The following RAPGEF4 variants were observed in gnomAD, a reference collection of about 807,000 sequenced individuals.
The protein encoded by RAPGEF4 is Rap guanine nucleotide exchange factor 4, also known as RAP guanine-nucleotide-exchange factor (GEF) 4.
A neutral mutation model predicts 147.9 loss-of-function variants in RAPGEF4; 66 were observed. That is an observed-to-expected ratio of 0.45 (90% CI 0.37 to 0.55). The LOEUF (loss-of-function observed/expected upper bound fraction) is 0.55, where lower values mean the gene tolerates loss of function less well. RAPGEF4 is among the 20% of genes least tolerant of loss of function. The pLI is 0.00. For synonymous variants in RAPGEF4, 419 were observed against 442.7 expected, an observed-to-expected ratio of 0.95 and a Z score of 0.67; for missense variants, 1,071 against 1,257.3, an observed-to-expected ratio of 0.85 and a Z score of 2.24.
intron 4 of RAPGEF4, among the ~76,000 whole-genome samples, chr2:172,899,295 T>C (rs972950910): frequency 6.6e-6 from 1 of 152,190 alleles, no homozygotes; most frequent in Non-Finnish European, 1.5e-5. Flanking sequence ...GATGAGAAAA[T>C]TGGCATTTGA....
chr2:172,744,076 A>AT (rs1559017842), intron 1 of RAPGEF4: 1 of 176,742 alleles, frequency 5.7e-6, no homozygotes, highest in Non-Finnish European at 1.2e-5. Context: ...TTGCTTTACT[A>AT]TTTTATTTAT....
intron 17 of RAPGEF4, among the ~76,000 whole-genome samples, chr2:173,005,656 G>T (rs1694399816): frequency 6.6e-6 from 1 of 151,072 alleles, no homozygotes; most frequent in East Asian, 1.9e-4. Context: ...CCGAGTAGCT[G>T]GAACTACAGG....
chr2:172,822,633 G>A (rs554774150), intron 4 of RAPGEF4, among the ~76,000 whole-genome samples: 35 of 152,384 alleles, frequency 2.3e-4, no homozygotes, highest in African/African-American at 7.5e-4. Flanking sequence ...ATAACCAGTA[G>A]TTGCTTTCTC....
chr2:172,777,293 T>C (rs1022670988), intron 1 of RAPGEF4, among the ~76,000 whole-genome samples: 4 of 152,096 alleles, frequency 2.6e-5, no homozygotes, highest in African/African-American at 4.8e-5. Context: ...TATTTATTCT[T>C]TCAACAATGT....
chr2:172,805,191 C>G (rs2149578007), intron 3 of RAPGEF4, among the ~76,000 whole-genome samples: 1 of 152,264 alleles, frequency 6.6e-6, no homozygotes, highest in Admixed American at 6.5e-5. Flanking sequence ...TTCAAGGCTT[C>G]AAGAGACTGG....
intron 1 of RAPGEF4, among the ~76,000 whole-genome samples, chr2:172,738,563 A>G (rs1285263443): frequency 2.6e-5 from 4 of 152,232 alleles, no homozygotes. Flanking sequence ...GGTGTGGCAT[A>G]TGAATATGCT....
At chr2:172,747,154 G>T (rs1694851886) in intron 1 of RAPGEF4, among the ~76,000 whole-genome samples, 1 of 152,076 alleles carries the variant, frequency 6.6e-6, no homozygotes, top group Non-Finnish European at 1.5e-5. Context: ...TTGTGTTTGG[G>T]GCAGCGTTAG....
chr2:172,978,676 T>C (rs577584907), intron 10 of RAPGEF4, among the ~76,000 whole-genome samples: 2 of 152,352 alleles, frequency 1.3e-5, no homozygotes, highest in South Asian at 4.1e-4. Flanking sequence ...TTATCAGTGA[T>C]GCTGTCTTAC....
At position 172,990,663 on chromosome 2, in the gene RAPGEF4, T is replaced by C. The variant is rs1357227815; in HGVS notation, c.1375-147T>C. ...CCTCATCTGGTCCTCTCTCTGACCGTTCCAGCCCTTGACTTTGAAAATGAC... is the reference window on the plus strand; with the variant it reads ...CCTCATCTGGTCCTCTCTCTGACCGCTCCAGCCCTTGACTTTGAAAATGAC... On this transcript the variant is annotated intron_variant, in intron 14 of 30. Coordinates refer to ENST00000397081, the MANE Select transcript of RAPGEF4 (RefSeq NM_007023.4). 5 of 631,722 alleles carry C rather than the reference T, an allele frequency of 7.9e-6. No individual in the cohort carries two copies. In the African/African-American group the frequency reaches 9.2e-5, roughly 12 times the overall value. 39.1% of individuals were successfully genotyped at this position (631,722 alleles called of 1,614,324 possible).
rs1693902507 is a variant in RAPGEF4 at position 172,860,471 on chromosome 2, T to C, written c.444+46046T>C. Among the ~76,000 whole-genome samples the C allele has an allele frequency of 2.0e-5, 3 of 152,206 alleles. No individual in the cohort carries two copies. The South Asian group carries it at 6.2e-4, about 32-fold the overall frequency. On this transcript the variant is annotated intron_variant, in intron 4 of 30. Coordinates refer to ENST00000397081, the MANE Select transcript of RAPGEF4 (RefSeq NM_007023.4). ...TAATAAAGTTCTTAACAGAGAACAG[T>C]TTAACCCAGTGTTTATCCAGGAGAG... is the stretch of plus-strand genomic sequence containing the variant.
At chr2:172,872,428 A>G (rs898046824) in intron 4 of RAPGEF4, among the ~76,000 whole-genome samples, 1 of 152,114 alleles carries the variant, frequency 6.6e-6, no homozygotes, top group Admixed American at 6.6e-5. Flanking sequence ...GGGTAGTTGT[A>G]TGTTGTGTTT....
At chr2:172,970,000 T>C (rs1690282306) in intron 10 of RAPGEF4, among the ~76,000 whole-genome samples, 1 of 152,166 alleles carries the variant, frequency 6.6e-6, no homozygotes, top group African/African-American at 2.4e-5. Context: ...GCCTTGGGAT[T>C]TTCCCATCTT....
chr2:172,845,486 G>A (rs572730037), intron 4 of RAPGEF4, among the ~76,000 whole-genome samples: 1 of 152,218 alleles, frequency 6.6e-6, no homozygotes, highest in African/African-American at 2.4e-5. Flanking sequence ...CCAAGGGGAA[G>A]GTGATAGAAG....
In RAPGEF4 at chr2:173,017,171, T is replaced by A; in HGVS notation, c.1899-3T>A. On this transcript the variant is annotated splice_region_variant and splice_polypyrimidine_tract_variant and intron_variant, in intron 19 of 30. Coordinates refer to ENST00000397081, the MANE Select transcript of RAPGEF4 (RefSeq NM_007023.4). The stretch of plus-strand genomic sequence containing the variant: ...AATAATGTGCTTTCTCTACTTCTCG[T>A]AGCTCAGAAGATGCAAAGGCACCAC... 1 of 1,613,144 alleles carries A rather than the reference T, an allele frequency of 6.2e-7. No homozygotes were observed. Among genetic ancestry groups the A allele is most frequent in the South Asian group, 1.1e-5 (1 of 91,058 alleles).
At chr2:172,797,858 T>G (rs1486908660) in intron 3 of RAPGEF4, among the ~76,000 whole-genome samples, 1 of 152,216 alleles carries the variant, frequency 6.6e-6, no homozygotes, top group Non-Finnish European at 1.5e-5. Flanking sequence ...TGGGGCTGCT[T>G]TCTAGGAGCT....
At chr2:172,800,963 C>A (rs898327093) in intron 3 of RAPGEF4, among the ~76,000 whole-genome samples, 5 of 152,086 alleles carry the variant, frequency 3.3e-5, no homozygotes, top group Admixed American at 2.0e-4. Flanking sequence ...GGGTAAGGAG[C>A]AAGGAGAGAC....
chr2:172,930,377 C>T (rs1465624802), intron 6 of RAPGEF4, among the ~76,000 whole-genome samples: 2 of 152,084 alleles, frequency 1.3e-5, no homozygotes, highest in African/African-American at 4.8e-5. Flanking sequence ...TGAGTTTCCC[C>T]CTATTTTACT....
In RAPGEF4 at chr2:172,951,244, G is replaced by A. The variant is rs140369088; in HGVS notation, c.538-9516G>A. On this transcript the variant is annotated intron_variant, in intron 6 of 30. Transcript: ENST00000397081. ...CTGATTCTTCACACCACAGTGCAGT[G>A]GAAACACCCAATCAGTTTGCTCCCA... Among the ~76,000 whole-genome samples, 7 of 152,262 alleles carry A rather than the reference G, an allele frequency of 4.6e-5. No homozygotes were observed. In the East Asian group the frequency reaches 7.7e-4, roughly 17 times the overall value.
intron 6 of RAPGEF4, among the ~76,000 whole-genome samples, chr2:172,950,406 A>G (rs1211561650): frequency 6.6e-6 from 1 of 152,228 alleles, no homozygotes; most frequent in Non-Finnish European, 1.5e-5. Flanking sequence ...AAATCACGCT[A>G]TTGAGATTTA....
Sources: gnomAD v4.1 joint callset for allele counts (sites outside exome capture counted in the v4.1 genomes callset) on GRCh38, gnomAD v4.1.1 for gene constraint, MANE v1.5 for transcripts, NCBI Gene and HGNC (gene_info 2026-07-23, HGNC 2026-07-21) for gene names.